The following CTNNA3 variants were observed in gnomAD, a reference collection of about 807,000 sequenced individuals.
The protein encoded by CTNNA3 is catenin alpha 3.
Under a neutral mutation model 95.7 loss-of-function variants are expected in CTNNA3, and 76 were observed. The ratio of observed to expected loss-of-function variants is 0.79; its 90% CI spans 0.66 to 0.96. CTNNA3 has a LOEUF of 0.96. CTNNA3 is among the 40% of genes least tolerant of loss of function. The probability of loss-of-function intolerance (pLI) is 0.00; values close to 1 mark genes in which losing one functional copy is unlikely to be tolerated. For synonymous variants in CTNNA3, 431 were observed against 374.4 expected, an observed-to-expected ratio of 1.15 and a Z score of -1.74; for missense variants, 1,191 against 1,089.8, an observed-to-expected ratio of 1.09 and a Z score of -1.31.
chr10:66,748,936 G>A (rs781242313), intron 9 of CTNNA3, among the ~76,000 whole-genome samples: 6 of 151,674 alleles, frequency 4.0e-5, no homozygotes, highest in Non-Finnish European at 7.4e-5. Context: ...ACTTTGGGAG[G>A]CCAAGGCGGG....
chr10:67,445,953 C>T (rs1028950825), intron 5 of CTNNA3, among the ~76,000 whole-genome samples: 1 of 152,106 alleles, frequency 6.6e-6, no homozygotes, highest in African/African-American at 2.4e-5. Context: ...ATGACAGATG[C>T]TCAATAAACA....
At chr10:66,139,412 T>A (rs879941270) in intron 13 of CTNNA3, among the ~76,000 whole-genome samples, 1 of 152,182 alleles carries the variant, frequency 6.6e-6, no homozygotes, top group African/African-American at 2.4e-5. Flanking sequence ...CTTACAACCA[T>A]GTACTGCCTT....
intron 13 of CTNNA3, among the ~76,000 whole-genome samples, chr10:66,266,182 T>C (rs1451593782): frequency 1.3e-5 from 2 of 150,832 alleles, no homozygotes; most frequent in East Asian, 3.9e-4. Flanking sequence ...GAAGGGGCTC[T>C]GAAAACGTGC....
intron 7 of CTNNA3, among the ~76,000 whole-genome samples, chr10:67,177,771 A>G (rs1311334695): frequency 6.6e-6 from 1 of 152,240 alleles, no homozygotes; most frequent in Non-Finnish European, 1.5e-5. Flanking sequence ...GATGAGATAC[A>G]ATAATACACT....
In CTNNA3 at chr10:67,015,358, G is replaced by T. The variant is rs1281750482; in HGVS notation, c.1047+164959C>A. 3 of 152,236 alleles carry T rather than the reference G, an allele frequency of 2.0e-5. No homozygotes were observed. In the East Asian group the frequency reaches 5.8e-4, roughly 29 times the overall value. 9.4% of individuals were successfully genotyped at this position (152,236 alleles called of 1,614,324 possible). ...ACTCATCATGTATGTGCATGCACAT[G>T]AGTTTAAAGAAGAGCTCCAGGGTTC... On this transcript the variant is annotated intron_variant, in intron 7 of 17. Transcript: ENST00000433211.
chr10:67,720,274 T>C (rs551612548), intron 1 of CTNNA3, among the ~76,000 whole-genome samples: 4 of 151,112 alleles, frequency 2.6e-5, no homozygotes, highest in Non-Finnish European at 5.9e-5. Context: ...GTCTTGACTG[T>C]TTATCCAATT....
At chr10:67,592,803 T>G (rs544423419) in intron 3 of CTNNA3, among the ~76,000 whole-genome samples, 33 of 152,284 alleles carry the variant, frequency 2.2e-4, no homozygotes, top group African/African-American at 6.3e-4. Context: ...ACCAACTACT[T>G]TTTTTAACTT....
intron 7 of CTNNA3, among the ~76,000 whole-genome samples, chr10:67,166,028 T>C (rs1418847617): frequency 6.6e-6 from 1 of 152,204 alleles, no homozygotes; most frequent in Non-Finnish European, 1.5e-5. Context: ...TTTCTTTGCA[T>C]ATTCCTTTTC....
At chr10:65,926,633 C>T (rs540090385) in intron 17 of CTNNA3, among the ~76,000 whole-genome samples, 26 of 152,116 alleles carry the variant, frequency 1.7e-4, no homozygotes, top group Non-Finnish European at 2.2e-4. Flanking sequence ...TGTGCCACCA[C>T]ACCTGGCTAA....
chr10:66,429,246 A>G (rs1268735728), intron 11 of CTNNA3, among the ~76,000 whole-genome samples: 2 of 152,198 alleles, frequency 1.3e-5, no homozygotes, highest in Non-Finnish European at 2.9e-5. Flanking sequence ...AGACTCTGAA[A>G]TTGACGCAAT....
chr10:66,558,969 T>C (rs960602107), intron 10 of CTNNA3, among the ~76,000 whole-genome samples: 8 of 152,140 alleles, frequency 5.3e-5, no homozygotes, highest in Non-Finnish European at 1.0e-4. Flanking sequence ...CAACATGGTC[T>C]TCACTCTTCA....
At chr10:67,230,827 C>T (rs76226551) in intron 5 of CTNNA3, among the ~76,000 whole-genome samples, 21 of 152,164 alleles carry the variant, frequency 1.4e-4, no homozygotes, top group African/African-American at 4.8e-4. Context: ...ACACCGTGCG[C>T]GAGCCGAAGC....
chr10:67,057,518 T>C (rs1435149345), intron 7 of CTNNA3, among the ~76,000 whole-genome samples: 1 of 152,192 alleles, frequency 6.6e-6, no homozygotes, highest in Admixed American at 6.6e-5. Flanking sequence ...CATGCAGTAG[T>C]TCTCTTTCTG....
intron 5 of CTNNA3, among the ~76,000 whole-genome samples, chr10:67,480,225 C>G (rs1438974555): frequency 1.3e-5 from 2 of 152,182 alleles, no homozygotes; most frequent in African/African-American, 4.8e-5. Flanking sequence ...GGATAGGACT[C>G]CTTTCTAACT....
chr10:67,490,690 T>C (rs1486088718), intron 5 of CTNNA3, among the ~76,000 whole-genome samples: 3 of 152,054 alleles, frequency 2.0e-5, no homozygotes, highest in Non-Finnish European at 4.4e-5. Flanking sequence ...GAAATTCTAC[T>C]CTCATTGCAA....
chr10:67,555,300 G>C (rs544161848), intron 3 of CTNNA3, among the ~76,000 whole-genome samples: 15 of 152,240 alleles, frequency 9.9e-5, no homozygotes, highest in Middle Eastern at 3.4e-3. Context: ...GAAAGTCATT[G>C]GTAGCTTGAT....
At chr10:66,762,071 C>T (rs1458876870) in intron 9 of CTNNA3, among the ~76,000 whole-genome samples, 1 of 152,092 alleles carries the variant, frequency 6.6e-6, no homozygotes, top group East Asian at 1.9e-4. Flanking sequence ...ATAGACTTTG[C>T]TATCAGAGGA....
At chr10:67,045,364 C>T (rs1210910168) in intron 7 of CTNNA3, among the ~76,000 whole-genome samples, 3 of 152,048 alleles carry the variant, frequency 2.0e-5, no homozygotes, top group Non-Finnish European at 4.4e-5. Context: ...TGGAGGTCAC[C>T]AAATACCTCC....
chr10:67,024,564 A>T (rs1413939115), intron 7 of CTNNA3, among the ~76,000 whole-genome samples: 3 of 152,190 alleles, frequency 2.0e-5, no homozygotes, highest in East Asian at 3.9e-4. Context: ...CAAAGTCATT[A>T]TGTTTTGGAG....
Sources: gnomAD v4.1 joint callset for allele counts (sites outside exome capture counted in the v4.1 genomes callset) on GRCh38, gnomAD v4.1.1 for gene constraint, MANE v1.5 for transcripts, NCBI Gene and HGNC (gene_info 2026-07-23, HGNC 2026-07-21) for gene names.